The following STYXL1 variants were observed in gnomAD, a reference collection of about 807,000 sequenced individuals.
The protein encoded by STYXL1 is serine/threonine/tyrosine-interacting-like protein 1.
Under a neutral mutation model 36.4 loss-of-function variants are expected in STYXL1, and 32 were observed. That is an observed-to-expected ratio of 0.88 (90% CI 0.66 to 1.18). STYXL1 has a LOEUF of 1.18. Ranked by LOEUF, STYXL1 falls within the 50% of genes most tolerant of loss-of-function variation. The pLI, the probability that STYXL1 is intolerant of heterozygous loss-of-function variation, is 0.00. For missense variants in STYXL1, 354 were observed against 394.1 expected, an observed-to-expected ratio of 0.90 and a Z score of 0.86; for synonymous variants, 133 against 144.1, an observed-to-expected ratio of 0.92 and a Z score of 0.55.
chr7:76,039,957 G>A (rs1404026807), intron 1 of STYXL1, among the ~76,000 whole-genome samples: 1 of 152,110 alleles, frequency 6.6e-6, no homozygotes, highest in East Asian at 1.9e-4. Context: ...TCCATCGCTA[G>A]TACCTCTATA....
intron 1 of STYXL1, among the ~76,000 whole-genome samples, chr7:76,042,702 C>T (rs977669967): frequency 1.3e-5 from 2 of 151,938 alleles, no homozygotes; most frequent in Non-Finnish European, 2.9e-5. Context: ...CCACTGCAGC[C>T]GGCCCTTATG....
At chr7:76,006,040 A>G (rs1463344688) in intron 5 of STYXL1, among the ~76,000 whole-genome samples, 1 of 152,050 alleles carries the variant, frequency 6.6e-6, no homozygotes, top group Non-Finnish European at 1.5e-5. Flanking sequence ...TACAGGCGTG[A>G]GCCACTGTGC....
At position 75,996,552 on chromosome 7, in the gene STYXL1, A is replaced by G. The variant is rs1554564148; in HGVS notation, c.858T>C (p.Asn286=). Residue 286 remains asparagine, a synonymous_variant, in exon 9 of 9, where the codon AAT becomes AAC. Coordinates refer to ENST00000359697, the MANE Select transcript of STYXL1 (RefSeq NM_001317785.2). ...CCAGCAGCTGGCTCACCAATCCCCG[A>G]TTTGGACACATGTTGTTTTTGCACT... ...VKKCKNNMCP[N]RGLVSQLLEW... The G allele has an allele frequency of 6.2e-7, 1 of 1,614,186 alleles. No homozygotes were observed. Among genetic ancestry groups the G allele is most frequent in the Non-Finnish European group, 8.5e-7 (1 of 1,180,034 alleles).
At chr7:76,001,304 C>A (rs1047842778) in intron 7 of STYXL1, among the ~76,000 whole-genome samples, 1 of 152,214 alleles carries the variant, frequency 6.6e-6, no homozygotes, top group Non-Finnish European at 1.5e-5. Flanking sequence ...ACTGGCCTCC[C>A]AGTATGGGGC....
intron 4 of STYXL1, among the ~76,000 whole-genome samples, chr7:76,020,969 T>A (rs1793984108): frequency 6.6e-6 from 1 of 152,182 alleles, no homozygotes. Context: ...AAAGCAAGCT[T>A]GCAGCACATT....
intron 4 of STYXL1, among the ~76,000 whole-genome samples, chr7:76,018,183 T>C (rs1278403265): frequency 6.6e-6 from 1 of 151,974 alleles, no homozygotes; most frequent in African/African-American, 2.4e-5. Context: ...TAGAACATTT[T>C]CATCACCCCT....
intron 2 of STYXL1, among the ~76,000 whole-genome samples, chr7:76,029,245 CA>C (rs1485523636): frequency 1.3e-5 from 2 of 152,114 alleles, no homozygotes; most frequent in Admixed American, 6.6e-5. Flanking sequence ...CTCCTGGGTT[CA>C]AGCGATTTTC....
chr7:76,003,036 G>A (rs528347319), intron 7 of STYXL1, among the ~76,000 whole-genome samples: 3 of 152,312 alleles, frequency 2.0e-5, no homozygotes, highest in South Asian at 4.1e-4. Context: ...CATGGGGTGG[G>A]GACTCTGACC....
intron 2 of STYXL1, 46 bp downstream of exon 2, chr7:76,030,375 G>T (rs782123276): frequency 2.5e-5 from 34 of 1,367,264 alleles, no homozygotes; most frequent in East Asian, 7.1e-5. Context: ...AATAATGTTT[G>T]AAGGACACTG....
At position 76,030,412 on chromosome 7, in the gene STYXL1, A is replaced by C. The variant is rs375689091; in HGVS notation, c.103+9T>G. ...GTTTGACCTCCTCCGCTTTTTTCCA[A>C]GTACTTACCCAATAAACAGAGATAG... On this transcript the variant is annotated intron_variant, in intron 2 of 8. Coordinates refer to ENST00000359697, the MANE Select transcript of STYXL1 (RefSeq NM_001317785.2). 380 of 1,602,864 alleles carry C rather than the reference A, an allele frequency of 2.4e-4. No homozygotes were observed. The highest frequency in any genetic ancestry group is 3.0e-4 in the Non-Finnish European group (352 of 1,170,172).
chr7:75,999,538 T>TGA (rs1554565685), intron 8 of STYXL1, among the ~76,000 whole-genome samples: 7,874 of 138,486 alleles, frequency 0.057, 335 homozygotes, highest in Non-Finnish European at 0.059. Flanking sequence ...TGTGTGTGTG[T>TGA]GTGTGTGTGT....
intron 4 of STYXL1, 92 bp downstream of exon 4, chr7:76,021,759 C>T (rs1794099572): frequency 1.1e-5 from 10 of 919,790 alleles, no homozygotes; most frequent in Non-Finnish European, 1.8e-5. Context: ...TGGCCTGTTC[C>T]CGTGCCATGG....
At chr7:76,005,432 A>C (rs1417673101) in intron 5 of STYXL1, 28 bp from the exon 6 acceptor site, 3 of 1,570,666 alleles carry the variant, frequency 1.9e-6, no homozygotes, top group Non-Finnish European at 2.6e-6. Flanking sequence ...AAAGGCAGCT[A>C]TGAGCATATT....
At chr7:76,026,237 A>T (rs1794708891) in intron 3 of STYXL1, among the ~76,000 whole-genome samples, 1 of 132,522 alleles carries the variant, frequency 7.5e-6, no homozygotes, top group Non-Finnish European at 1.6e-5. Context: ...AAAGCAGCAG[A>T]GACAGGGTGT....
intron 1 of STYXL1, chr7:76,044,299 C>G (rs896482275): frequency 1.3e-5 from 2 of 152,190 alleles, no homozygotes; most frequent in Non-Finnish European, 2.9e-5. Context: ...GGACCACTGG[C>G]ACATACCACC....
At chr7:76,008,484 G>A (rs1287328327) in intron 5 of STYXL1, among the ~76,000 whole-genome samples, 1 of 152,010 alleles carries the variant, frequency 6.6e-6, no homozygotes, top group Non-Finnish European at 1.5e-5. Flanking sequence ...CCACGGCAGT[G>A]AACCCTCTGC....
chr7:75,998,479 G>A (rs1554564997), intron 8 of STYXL1: 1 of 152,244 alleles, frequency 6.6e-6, no homozygotes, highest in Non-Finnish European at 1.5e-5. Context: ...TGTATTTTTA[G>A]CAGAGACGAG....
intron 5 of STYXL1, among the ~76,000 whole-genome samples, chr7:76,008,199 C>CAAAA (rs60080805): frequency 5.9e-5 from 2 of 33,746 alleles, no homozygotes; most frequent in African/African-American, 1.2e-4. Flanking sequence ...AACTCCATCT[C>CAAAA]AAAAAAAAAA....
At chr7:76,013,914 T>TGAGG in intron 4 of STYXL1, 27 bp from the exon 5 acceptor site, 1 of 1,588,578 alleles carries the variant, frequency 6.3e-7, no homozygotes, top group Non-Finnish European at 8.6e-7. Context: ...AAGACATGAA[T>TGAGG]GTCTCCTGTG....
Sources: allele counts gnomAD v4.1 joint callset (sites outside exome capture counted in the v4.1 genomes callset), GRCh38; gene constraint gnomAD v4.1.1; transcripts MANE v1.5; gene names NCBI Gene and HGNC (gene_info 2026-07-23, HGNC 2026-07-21).